Variants in RPS6KA5 observed in about 807,000 individuals in gnomAD.
RPS6KA5 encodes ribosomal protein S6 kinase A5.
In RPS6KA5, 27 loss-of-function variants were observed where a neutral mutation model predicts 85.5. The observed-to-expected ratio is 0.32, with a 90% confidence interval of 0.23 to 0.44. The LOEUF (loss-of-function observed/expected upper bound fraction) is 0.44. Among genes scored for constraint, RPS6KA5 ranks in the 20% least tolerant of loss-of-function variants. The pLI is 1.00. For synonymous variants in RPS6KA5, 334 were observed against 348.2 expected, an observed-to-expected ratio of 0.96 and a Z score of 0.46; for missense variants, 811 against 980.9, an observed-to-expected ratio of 0.83 and a Z score of 2.31.
intron 14 of RPS6KA5, among the ~76,000 whole-genome samples, chr14:90,880,229 G>A (rs149322476): frequency 3.1e-4 from 47 of 152,064 alleles, no homozygotes; most frequent in African/African-American, 1.1e-3. Context: ...CCATCTCTAG[G>A]ACTCTTCATC....
At chr14:90,956,509 TTTATTG>T in intron 3 of RPS6KA5, among the ~76,000 whole-genome samples, 1 of 152,314 alleles carries the variant, frequency 6.6e-6, no homozygotes, top group South Asian at 2.1e-4. Context: ...TCCATTCACA[TTTATTG>T]TTATTAACAT....
At position 90,853,741 on chromosome 14, in the gene RPS6KA5, T is replaced by G. The variant is rs569806232; in HGVS notation, c.*18333A>C. On this transcript the variant is annotated 3_prime_UTR_variant, in exon 17 of 17. Transcript: ENST00000614987. Reference sequence around the variant, plus strand: ...TATTAAATCAAAATCGTAACCATCTTGAAAGCTAAATTAAAATAATCCTGG... The same window carrying G: ...TATTAAATCAAAATCGTAACCATCTGGAAAGCTAAATTAAAATAATCCTGG... The G allele has an allele frequency of 6.6e-6, 1 of 152,122 alleles. No individual in the cohort carries two copies. The highest frequency in any genetic ancestry group is 1.9e-4 in the East Asian group (1 of 5,180). The allele number at this position is 152,122 out of a possible 1,614,324, so 9.4% of individuals were successfully genotyped here.
intron 5 of RPS6KA5, among the ~76,000 whole-genome samples, chr14:90,926,359 C>G (rs1413678398): frequency 6.6e-6 from 1 of 150,584 alleles, no homozygotes; most frequent in Non-Finnish European, 1.5e-5. Context: ...CCATTCAACT[C>G]CAACCTGGGC....
At chr14:90,975,535 G>A (rs1315017696) in intron 3 of RPS6KA5, among the ~76,000 whole-genome samples, 1 of 152,230 alleles carries the variant, frequency 6.6e-6, no homozygotes, top group Non-Finnish European at 1.5e-5. Context: ...AACATGTGAA[G>A]AGGTGGTAAG....
intron 13 of RPS6KA5, among the ~76,000 whole-genome samples, chr14:90,893,140 T>TA (rs1342592785): frequency 2.0e-5 from 3 of 152,030 alleles, no homozygotes; most frequent in East Asian, 1.9e-4. Context: ...TCTTTTCAAT[T>TA]AAAAAAAACT....
chr14:90,923,052 C>T (rs2036484522), intron 6 of RPS6KA5, 61 bp downstream of exon 6: 2 of 1,255,474 alleles, frequency 1.6e-6, no homozygotes, highest in Non-Finnish European at 2.3e-6. Context: ...AAGTTGTTAA[C>T]TAGGATTCTT....
intron 1 of RPS6KA5, among the ~76,000 whole-genome samples, chr14:91,044,786 G>A (rs900454871): frequency 2.1e-4 from 32 of 150,988 alleles, no homozygotes; most frequent in African/African-American, 5.9e-4. Context: ...CAGGAGAATC[G>A]CTTGAACTCA....
chr14:91,024,942 T>C (rs1020614760), intron 1 of RPS6KA5, among the ~76,000 whole-genome samples: 1 of 152,088 alleles, frequency 6.6e-6, no homozygotes, highest in Non-Finnish European at 1.5e-5. Flanking sequence ...AGTGCAGTGG[T>C]GTGATCTCAG....
intron 2 of RPS6KA5, among the ~76,000 whole-genome samples, chr14:90,988,713 T>A (rs2040173196): frequency 6.6e-6 from 1 of 152,178 alleles, no homozygotes; most frequent in South Asian, 2.1e-4. Context: ...CTCAGGAGGC[T>A]GAGGCAGGAG....
intron 3 of RPS6KA5, among the ~76,000 whole-genome samples, chr14:90,967,384 C>T (rs1043251365): frequency 6.6e-6 from 1 of 152,064 alleles, no homozygotes; most frequent in Non-Finnish European, 1.5e-5. Context: ...GCCAGGCATA[C>T]AGTAGGCATT....
rs2033139315 is a variant in RPS6KA5, at chr14:90,871,974, T to A, written c.*100A>T. 1 of 1,463,378 alleles carries A rather than the reference T, an allele frequency of 6.8e-7. No individual in the cohort carries two copies. Among genetic ancestry groups the A allele is most frequent in the Non-Finnish European group, 9.2e-7 (1 of 1,089,338 alleles). 90.6% of individuals were successfully genotyped at this position (1,463,378 alleles called of 1,614,324 possible). On this transcript the variant is annotated 3_prime_UTR_variant, in exon 17 of 17. Coordinates refer to ENST00000614987, the MANE Select transcript of RPS6KA5 (RefSeq NM_004755.4). ...AAAATCATTAGGAGGCAGATTCCAA[T>A]GAGACCAACGGGAAACATTTTTAAA...
At chr14:91,044,476 C>T in intron 1 of RPS6KA5, among the ~76,000 whole-genome samples, 1 of 152,036 alleles carries the variant, frequency 6.6e-6, no homozygotes, top group Admixed American at 6.5e-5. Flanking sequence ...AACCTAATTA[C>T]ATGAGTCCCT....
intron 14 of RPS6KA5, among the ~76,000 whole-genome samples, chr14:90,876,430 C>T (rs994659952): frequency 6.6e-6 from 1 of 152,168 alleles, no homozygotes; most frequent in African/African-American, 2.4e-5. Context: ...CTACAGCCAC[C>T]TGTTTTCATT....
At chr14:91,060,258 C>G (rs971959106) in intron 1 of RPS6KA5, 74 bp downstream of exon 1, 1 of 1,005,090 alleles carries the variant, frequency 9.9e-7, no homozygotes, top group African/African-American at 1.7e-5. Flanking sequence ...CGCCCCCAGC[C>G]CCGCGCGGGC....
In RPS6KA5 at chr14:90,978,488, C is replaced by A. The variant is rs1225629526; in HGVS notation, c.212G>T (p.Gly71Val). Residue 71 changes from glycine to valine, a missense_variant, in exon 3 of 17, where the codon GGC becomes GTC. Physicochemically the swap from Gly to Val is moderately radical, Grantham distance 109. Transcript: ENST00000614987. ...GKVFLVRKIS[G>V]HDTGKLYAMK... ...GGCATACAGCTTTCCAGTATCATGGCCACTTATTTTACGAACTAGAAATAC... is the reference window on the plus strand; with the variant it reads ...GGCATACAGCTTTCCAGTATCATGGACACTTATTTTACGAACTAGAAATAC... The A allele has an allele frequency of 3.1e-6, 5 of 1,601,320 alleles. No homozygotes were observed. In the East Asian group the frequency reaches 9.0e-5, roughly 29 times the overall value.
rs2032792363 is a variant in RPS6KA5 at position 90,866,143 on chromosome 14, A to C, written c.*5931T>G. ...TAGAAAAGCAGAAAAATACGAGAAAAAGTGCATGTACGGAGTATGGGATGA... is the reference window on the plus strand; with the variant it reads ...TAGAAAAGCAGAAAAATACGAGAAACAGTGCATGTACGGAGTATGGGATGA... On this transcript the variant is annotated 3_prime_UTR_variant, in exon 17 of 17. Transcript: ENST00000614987. The C allele has an allele frequency of 6.6e-6, 1 of 152,196 alleles. No homozygotes were observed. The highest frequency in any genetic ancestry group is 2.1e-4 in the South Asian group (1 of 4,824). The allele number at this position is 152,196 out of a possible 1,614,324, so 9.4% of individuals were successfully genotyped here.
intron 3 of RPS6KA5, among the ~76,000 whole-genome samples, chr14:90,963,157 T>A (rs985559493): frequency 6.6e-6 from 1 of 152,222 alleles, no homozygotes; most frequent in African/African-American, 2.4e-5. Flanking sequence ...AGGACAGACC[T>A]GATATTTTGT....
At chr14:91,057,302 A>G (rs1423653132) in intron 1 of RPS6KA5, among the ~76,000 whole-genome samples, 1 of 152,088 alleles carries the variant, frequency 6.6e-6, no homozygotes, top group African/African-American at 2.4e-5. Context: ...TCCACTTATC[A>G]ACCACCTAAC....
chr14:90,894,272 GA>G (rs1343889676), intron 13 of RPS6KA5, 140 bp downstream of exon 13: 1 of 1,269,640 alleles, frequency 7.9e-7, no homozygotes. Flanking sequence ...AAACATCAAA[GA>G]AACGTATTTT....
Sources: allele counts gnomAD v4.1 joint callset (sites outside exome capture counted in the v4.1 genomes callset), GRCh38; gene constraint gnomAD v4.1.1; transcripts MANE v1.5; gene names NCBI Gene and HGNC (gene_info 2026-07-23, HGNC 2026-07-21).